The following COL5A2 variants were observed in gnomAD, a reference collection of about 807,000 sequenced individuals.
COL5A2 encodes collagen type V alpha 2 chain, also known as collagen alpha-2(V) chain.
A neutral mutation model predicts 208.2 loss-of-function variants in COL5A2; 23 were observed. The ratio of observed to expected loss-of-function variants is 0.11; its 90% CI spans 0.08 to 0.16. The LOEUF (loss-of-function observed/expected upper bound fraction) is 0.16, where lower values mean the gene tolerates loss of function less well. Among genes scored for constraint, COL5A2 ranks in the 10% least tolerant of loss-of-function variants. COL5A2 has a pLI of 1.00. For synonymous variants in COL5A2, 625 were observed against 628.5 expected (o/e 0.99, Z 0.08); for missense variants, 1,590 against 1,956.4 (o/e 0.81, Z 3.53).
intron 23 of COL5A2, 100 bp from the exon 24 acceptor site, chr2:189,065,157 C>A (rs930616233): frequency 1.9e-5 from 21 of 1,114,592 alleles, no homozygotes; most frequent in Non-Finnish European, 2.7e-5. Flanking sequence ...GTTTTAGGAG[C>A]CATCATCAAG....
chr2:189,423,407 A>G, the COL5A2 span, among the ~76,000 whole-genome samples: 1 of 152,082 alleles, frequency 6.6e-6, no homozygotes, highest in Non-Finnish European at 1.5e-5. Flanking sequence ...AATAAATGAA[A>G]TAGAAACTAG....
rs866665945 is a variant in COL5A2, at chr2:189,068,994, G to A, written c.1159-110C>T. 529 of 785,872 alleles carry A rather than the reference G, an allele frequency of 6.7e-4. 2 individuals carry two copies. Among genetic ancestry groups the A allele is most frequent in the Admixed American group, 3.2e-3 (162 of 49,894 alleles). 48.7% of individuals were successfully genotyped at this position (785,872 alleles called of 1,614,324 possible). A position where few individuals can be genotyped will look rare whatever the true frequency, so the allele number is the denominator to read the frequency against. Reference sequence around the variant, plus strand: ...CATTTGAAACCCAAATACTGAAAGAGGCCAAAGAGGATTACAAGAGATGCG... The same window carrying A: ...CATTTGAAACCCAAATACTGAAAGAAGCCAAAGAGGATTACAAGAGATGCG... On this transcript the variant is annotated intron_variant, in intron 18 of 53. Coordinates refer to ENST00000374866, the MANE Select transcript of COL5A2 (RefSeq NM_000393.5).
chr2:189,084,210 C>T (rs1298222452), intron 11 of COL5A2, among the ~76,000 whole-genome samples, 173 bp from the exon 12 acceptor site: 2 of 152,132 alleles, frequency 1.3e-5, no homozygotes, highest in Non-Finnish European at 2.9e-5. Flanking sequence ...CCTTATATTC[C>T]TGATAGTACT....
the COL5A2 span, among the ~76,000 whole-genome samples, chr2:189,382,908 G>T: frequency 6.6e-6 from 1 of 152,084 alleles, no homozygotes; most frequent in South Asian, 2.1e-4. Flanking sequence ...ACAAGGGCAG[G>T]GAGGGTGTAT....
upstream of COL5A2, chr2:189,179,822 C>A: frequency 1.5e-6 from 1 of 688,828 alleles, no homozygotes; most frequent in Admixed American, 2.7e-5. Context: ...ACTTCTTTTC[C>A]TGCCCCTTTT....
intron 1 of COL5A2, among the ~76,000 whole-genome samples, chr2:189,188,185 T>C (rs1688879252): frequency 6.6e-6 from 1 of 152,198 alleles, no homozygotes. Context: ...ATGTATACAA[T>C]AATGTGACTG....
chr2:189,052,987 T>A lies in COL5A2; in HGVS notation c.2585A>T (p.Glu862Val), dbSNP rs927051143. ...GPDGQPGVKG[E>V]PGEPGQKGDA... Reference sequence around the variant, plus strand: ...TCCCTTCTGTCCTGGCTCTCCAGGTTCACCTTTTACTCCAGGCTGTCCGTC... The same window carrying A: ...TCCCTTCTGTCCTGGCTCTCCAGGTACACCTTTTACTCCAGGCTGTCCGTC... The change falls in exon 39 of 54, where the codon GAA becomes GTA. Residue 862 changes from glutamate (E) to valine (V), a missense_variant. Transcript: ENST00000374866. The A allele has an allele frequency of 6.2e-7, 1 of 1,614,144 alleles. No individual in the cohort carries two copies. Among genetic ancestry groups the A allele is most frequent in the Non-Finnish European group, 8.5e-7 (1 of 1,180,004 alleles).
chr2:189,085,056 A>T (rs1221551400), intron 11 of COL5A2, 104 bp downstream of exon 11: 10 of 911,328 alleles, frequency 1.1e-5, no homozygotes, highest in Non-Finnish European at 1.8e-5. Flanking sequence ...GCAAGCTAAA[A>T]GGGTGGGGAA....
At position 189,043,569 on chromosome 2, in the gene COL5A2, T is replaced by C. The variant is rs561284588; in HGVS notation, c.3364-311A>G. 5.9e-5 allele frequency among the ~76,000 whole-genome samples: 9 copies of C among 152,284 alleles called. No individual in the cohort carries two copies. The South Asian group carries it at 1.9e-3, about 32-fold the overall frequency. On this transcript the variant is annotated intron_variant, in intron 47 of 53. Coordinates refer to ENST00000374866, the MANE Select transcript of COL5A2 (RefSeq NM_000393.5). ...TTTGTTTGATCTAGCCTATCTGAAATGTTTTTTAAAGATTATGCTTCACAT... is the reference window on the plus strand; with the variant it reads ...TTTGTTTGATCTAGCCTATCTGAAACGTTTTTTAAAGATTATGCTTCACAT...
the COL5A2 span, among the ~76,000 whole-genome samples, chr2:189,244,585 A>C: frequency 6.6e-6 from 1 of 152,168 alleles, no homozygotes; most frequent in Non-Finnish European, 1.5e-5. Flanking sequence ...TCCATGTGAG[A>C]CCAACTCAGC....
chr2:189,189,556 T>C (rs1277223684), intron 1 of COL5A2, among the ~76,000 whole-genome samples: 1 of 152,112 alleles, frequency 6.6e-6, no homozygotes, highest in Non-Finnish European at 1.5e-5. Flanking sequence ...TAGCCAGGCA[T>C]GGTGAGGACC....
chr2:189,335,535 T>A, the COL5A2 span, among the ~76,000 whole-genome samples: 2 of 152,064 alleles, frequency 1.3e-5, no homozygotes, highest in African/African-American at 4.8e-5. Context: ...TTGGTTGTAG[T>A]AGACAAAAAT....
At chr2:189,077,873 C>A (rs1686444567) in intron 16 of COL5A2, among the ~76,000 whole-genome samples, 1 of 152,150 alleles carries the variant, frequency 6.6e-6, no homozygotes, top group South Asian at 2.1e-4. Flanking sequence ...CCTTAACTAT[C>A]TAAAGCAAGG....
chr2:189,257,708 T>A, the COL5A2 span, among the ~76,000 whole-genome samples: 3 of 152,152 alleles, frequency 2.0e-5, no homozygotes, highest in African/African-American at 7.2e-5. Context: ...TCAGAGTAAT[T>A]ACCATGCATT....
At chr2:189,406,905 T>C in the COL5A2 span, among the ~76,000 whole-genome samples, 1 of 152,076 alleles carries the variant, frequency 6.6e-6, no homozygotes, top group African/African-American at 2.4e-5. Context: ...CTGAAGAAAC[T>C]GGAAGGATCA....
At position 189,032,074 on chromosome 2, in the gene COL5A2, A is replaced by C. The variant is rs1404928075; in HGVS notation, c.*1996T>G. 1 of 152,178 alleles carries C rather than the reference A, an allele frequency of 6.6e-6. No homozygotes were observed. The highest frequency in any genetic ancestry group is 1.5e-5 in the Non-Finnish European group (1 of 68,018). 9.4% of individuals were successfully genotyped at this position (152,178 alleles called of 1,614,324 possible). On this transcript the variant is annotated 3_prime_UTR_variant, in exon 54 of 54. Transcript: ENST00000374866. ...CTTGGAAGTCAAACAAAACTCACACATGTATTTAGGCATATAAATACTCAA... is the reference window on the plus strand; with the variant it reads ...CTTGGAAGTCAAACAAAACTCACACCTGTATTTAGGCATATAAATACTCAA...
chr2:189,317,850 T>C, the COL5A2 span, among the ~76,000 whole-genome samples: 43 of 152,270 alleles, frequency 2.8e-4, 1 homozygote, highest in African/African-American at 9.6e-4. Flanking sequence ...ATCAAAACTA[T>C]TCAAATTGAA....
At chr2:189,340,070 A>G in the COL5A2 span, among the ~76,000 whole-genome samples, 1 of 152,148 alleles carries the variant, frequency 6.6e-6, no homozygotes, top group East Asian at 1.9e-4. Context: ...GTCATGGGAT[A>G]AGGCTAAGAG....
intron 1 of COL5A2, among the ~76,000 whole-genome samples, chr2:189,154,114 C>T (rs1688198742): frequency 6.6e-6 from 1 of 152,090 alleles, no homozygotes; most frequent in South Asian, 2.1e-4. Flanking sequence ...ACAAAAAAGG[C>T]ACACACACAT....
Sources: gnomAD v4.1 joint callset for allele counts (sites outside exome capture counted in the v4.1 genomes callset) on GRCh38, gnomAD v4.1.1 for gene constraint, MANE v1.5 for transcripts, NCBI Gene and HGNC (gene_info 2026-07-23, HGNC 2026-07-21) for gene names.